Variants in PDE9A observed in about 807,000 individuals in gnomAD.
PDE9A encodes the protein phosphodiesterase 9A.
A neutral mutation model predicts 87.4 loss-of-function variants in PDE9A; 60 were observed. The observed-to-expected ratio is 0.69, with a 90% CI of 0.56 to 0.85. The LOEUF is 0.85. Among genes scored for constraint, PDE9A ranks in the 40% least tolerant of loss-of-function variants. The pLI, the probability that PDE9A is intolerant of heterozygous loss-of-function variation, is 0.00. For synonymous variants in PDE9A, 272 were observed against 279.4 expected, an observed-to-expected ratio of 0.97 and a Z score of 0.27; for missense variants, 665 against 779.0, an observed-to-expected ratio of 0.85 and a Z score of 1.74.
intron 9 of PDE9A, among the ~76,000 whole-genome samples, chr21:42,753,506 C>T (rs1409951033): frequency 6.6e-6 from 1 of 152,192 alleles, no homozygotes; most frequent in African/African-American, 2.4e-5. Context: ...GGGATCTCCA[C>T]CCGTAGCATT....
chr21:42,754,131 G>A (rs369136329), intron 10 of PDE9A, 67 bp downstream of exon 10: 17 of 876,290 alleles, frequency 1.9e-5, no homozygotes, highest in East Asian at 5.0e-5. Context: ...ACGCCAGTGG[G>A]ACCACCCCCA....
At position 42,704,273 on chromosome 21, in the gene PDE9A, A is replaced by G. The variant is rs564535354; in HGVS notation, c.262+5262A>G. On this transcript the variant is annotated intron_variant, in intron 4 of 19. Transcript: ENST00000291539. The surrounding 1 kb of genome is among the most constrained non-coding windows in gnomAD (Gnocchi z 5.3). ...GGGGAGCTGCATTTTCCTAGCAGCGACAACCCCTCCCACATCTCCATAGTC... is the reference window on the plus strand; with the variant it reads ...GGGGAGCTGCATTTTCCTAGCAGCGGCAACCCCTCCCACATCTCCATAGTC... Among the ~76,000 whole-genome samples, 2 of 152,304 alleles carry G rather than the reference A, an allele frequency of 1.3e-5. No individual in the cohort carries two copies. The highest frequency in any genetic ancestry group is 3.9e-4 in the East Asian group (2 of 5,182).
intron 1 of PDE9A, among the ~76,000 whole-genome samples, chr21:42,678,006 A>C (rs2146061407): frequency 6.6e-6 from 1 of 152,372 alleles, no homozygotes; most frequent in African/African-American, 2.4e-5. Flanking sequence ...TCTGTGCAAG[A>C]AACCCACAAT....
chr21:42,654,054 AG>A (rs1337346516), intron 1 of PDE9A, among the ~76,000 whole-genome samples, 171 bp downstream of exon 1: 1 of 78,238 alleles, frequency 1.3e-5, no homozygotes, highest in African/African-American at 5.1e-5. Flanking sequence ...CCCCGGGGAA[AG>A]GGGCGACTCG....
intron 8 of PDE9A, among the ~76,000 whole-genome samples, chr21:42,748,028 C>T (rs577415867): frequency 6.8e-4 from 103 of 152,326 alleles, no homozygotes; most frequent in African/African-American, 2.3e-3. Context: ...CCCCAGCAGA[C>T]CCTCCTCTGC....
intron 8 of PDE9A, among the ~76,000 whole-genome samples, chr21:42,748,725 T>C (rs2054130910): frequency 6.6e-6 from 1 of 152,140 alleles, no homozygotes; most frequent in Non-Finnish European, 1.5e-5. Context: ...ATGCGTTGTG[T>C]AGTCTTTTTT....
intron 13 of PDE9A, among the ~76,000 whole-genome samples, chr21:42,761,177 C>G (rs1455615402): frequency 6.6e-6 from 1 of 152,256 alleles, no homozygotes; most frequent in Admixed American, 6.5e-5. Context: ...AGGTGCACGG[C>G]AGATCCCTGG....
intron 15 of PDE9A, among the ~76,000 whole-genome samples, chr21:42,767,447 G>A (rs1171903405): frequency 2.0e-5 from 3 of 152,166 alleles, no homozygotes; most frequent in African/African-American, 7.2e-5. Flanking sequence ...GATAGGGCAG[G>A]GAAAGGAAGG....
Position 42,722,197 on chromosome 21 carries a change from T to G in PDE9A, c.263-9573T>G, listed in dbSNP as rs1053818459. ...TTCACCATGTTGGCCAGGATGGTCT[T>G]GAACTTCTGACCTCATGATCCGCCC... On this transcript the variant is annotated intron_variant, in intron 4 of 19. Transcript: ENST00000291539. The surrounding 1 kb of genome is among the most constrained non-coding windows in gnomAD (Gnocchi z 4.1). Among the ~76,000 whole-genome samples, 24 of 152,094 alleles carry G rather than the reference T, an allele frequency of 1.6e-4. No individual in the cohort carries two copies. The highest frequency in any genetic ancestry group is 3.2e-4 in the Non-Finnish European group (22 of 68,014).
chr21:42,689,700 A>G (rs2059684226), intron 3 of PDE9A: 1 of 985,306 alleles, frequency 1.0e-6, no homozygotes, highest in Non-Finnish European at 1.2e-6. Flanking sequence ...TTAACAAGAG[A>G]CAGTATCAGA....
intron 4 of PDE9A, among the ~76,000 whole-genome samples, chr21:42,730,035 CT>C (rs1401828447): frequency 1.3e-5 from 2 of 152,200 alleles, no homozygotes; most frequent in Non-Finnish European, 2.9e-5. Flanking sequence ...CTAAATTTAT[CT>C]CAAGACTCTG....
chr21:42,700,867 C>T (rs1260519069), intron 4 of PDE9A: 4 of 152,126 alleles, frequency 2.6e-5, no homozygotes, highest in Admixed American at 6.5e-5. Flanking sequence ...TCTTGACTAC[C>T]GTAGATAAAT....
In PDE9A at chr21:42,775,441, G is replaced by A; in HGVS notation, c.*148G>A. On this transcript the variant is annotated 3_prime_UTR_variant, in exon 20 of 20. Transcript: ENST00000291539. ...GTTCACTGATACAAAAAAAAAAAAAGGAATTCATGATGCTGTACAGAATTT... is the reference window on the plus strand; with the variant it reads ...GTTCACTGATACAAAAAAAAAAAAAAGAATTCATGATGCTGTACAGAATTT... 3.4e-6 allele frequency: 2 copies of A among 582,624 alleles called. No individual in the cohort carries two copies. The highest frequency in any genetic ancestry group is 6.1e-6 in the Non-Finnish European group (2 of 329,526). 36.1% of individuals were successfully genotyped at this position (582,624 alleles called of 1,614,324 possible).
intron 9 of PDE9A, among the ~76,000 whole-genome samples, chr21:42,752,453 G>C (rs2054537028): frequency 6.6e-6 from 1 of 152,112 alleles, no homozygotes; most frequent in Non-Finnish European, 1.5e-5. Flanking sequence ...ATTTTTAGTA[G>C]AGACGGTGTT....
At chr21:42,748,846 GCT>G (rs1282749669) in intron 8 of PDE9A, among the ~76,000 whole-genome samples, 6 of 152,190 alleles carry the variant, frequency 3.9e-5, no homozygotes, top group Middle Eastern at 3.2e-3. Flanking sequence ...TACCGAATGT[GCT>G]CTTTCTTCCT....
chr21:42,739,237 G>A lies in PDE9A; in HGVS notation c.569-4539G>A, dbSNP rs932103060. ...CATGATGGGCAGAGCCGACGTCCAG[G>A]CTCCACGGTAGGGCCGTCCTGCTGC... On this transcript the variant is annotated intron_variant, in intron 7 of 19. Coordinates refer to ENST00000291539, the MANE Select transcript of PDE9A (RefSeq NM_002606.3). The surrounding 1 kb of genome is among the most constrained non-coding windows in gnomAD (Gnocchi z 4.1). 2.0e-5 allele frequency among the ~76,000 whole-genome samples: 3 copies of A among 152,228 alleles called. No homozygotes were observed. The highest frequency in any genetic ancestry group is 7.2e-5 in the African/African-American group (3 of 41,452).
chr21:42,767,197 A>T (rs566246275), intron 15 of PDE9A, among the ~76,000 whole-genome samples: 11 of 152,098 alleles, frequency 7.2e-5, no homozygotes, highest in Admixed American at 2.0e-4. Context: ...ATGGGCCCCA[A>T]TAGGGAGGCC....
At chr21:42,698,885 C>A in intron 3 of PDE9A, 83 bp from the exon 4 acceptor site, 1 of 800,720 alleles carries the variant, frequency 1.2e-6, no homozygotes, top group Non-Finnish European at 2.1e-6. Context: ...GATTTCTAAT[C>A]ATGCCGAGTG....
At chr21:42,730,244 G>A (rs2146698686) in intron 4 of PDE9A, among the ~76,000 whole-genome samples, 1 of 152,168 alleles carries the variant, frequency 6.6e-6, no homozygotes. Context: ...TTCAACCTAT[G>A]GCTGTATGAA....
Sources: allele counts gnomAD v4.1 joint callset (sites outside exome capture counted in the v4.1 genomes callset), GRCh38; gene constraint gnomAD v4.1.1; non-coding constraint Gnocchi (gnomAD v3.1); transcripts MANE v1.5; gene names NCBI Gene and HGNC (gene_info 2026-07-23, HGNC 2026-07-21).